USP15: variants seen among roughly 807,000 people sequenced by gnomAD.
USP15 encodes the protein ubiquitin carboxyl-terminal hydrolase 15.
In USP15, 18 loss-of-function variants were observed where a neutral mutation model predicts 127.1. The observed-to-expected ratio is 0.14, with a 90% CI of 0.10 to 0.21. The LOEUF (loss-of-function observed/expected upper bound fraction) is 0.21. USP15 is among the 10% of genes least tolerant of loss of function. The pLI is 1.00. For missense variants in USP15, 805 were observed against 1,159.9 expected, an observed-to-expected ratio of 0.69 and a Z score of 4.44; for synonymous variants, 364 against 393.7, an observed-to-expected ratio of 0.92 and a Z score of 0.89.
chr12:62,412,388 T>G lies in USP15; in HGVS notation c.*8013T>G, dbSNP rs759450289. On this transcript the variant is annotated 3_prime_UTR_variant, in exon 22 of 22. Transcript: ENST00000280377. ...TAAGACAGTAGTGAAGTTTGCTTCA[T>G]CAATTGACTCTTCCTTTTACAAGAG... 3.9e-5 allele frequency: 6 copies of G among 152,320 alleles called. No homozygotes were observed. Among genetic ancestry groups the G allele is most frequent in the Non-Finnish European group, 5.9e-5 (4 of 68,132 alleles). 9.4% of individuals were successfully genotyped at this position (152,320 alleles called of 1,614,324 possible).
At chr12:62,328,394 A>G (rs1157761640) in intron 6 of USP15, 2 of 387,320 alleles carry the variant, frequency 5.2e-6, no homozygotes, top group East Asian at 7.5e-5. Context: ...GTGTTCCAAT[A>G]AAGCTTTCTT....
Position 62,383,820 on chromosome 12 carries a change from T to A in USP15, c.1090-20T>A. On this transcript the variant is annotated intron_variant, in intron 9 of 21. Transcript: ENST00000280377. ...AACCCTGTTCCTAGAACTGATTTGA[T>A]GGTTTTGCATTTCTTACAGACACAG... 6.2e-7 allele frequency: 1 copy of A among 1,606,802 alleles called. No homozygotes were observed. The highest frequency in any genetic ancestry group is 8.5e-7 in the Non-Finnish European group (1 of 1,176,882).
At chr12:62,315,050 A>G (rs943312294) in intron 4 of USP15, 134 bp downstream of exon 4, 3 of 809,742 alleles carry the variant, frequency 3.7e-6, no homozygotes, top group Non-Finnish European at 5.2e-6. Context: ...GCTTTGATAC[A>G]ATGTCTTAGA....
intron 4 of USP15, among the ~76,000 whole-genome samples, chr12:62,320,817 A>T (rs934768922): frequency 2.6e-5 from 4 of 152,114 alleles, no homozygotes; most frequent in African/African-American, 9.6e-5. Context: ...TTCTGTATTC[A>T]TATATCATAA....
At chr12:62,388,554 C>CA (rs2067228927) in intron 11 of USP15, among the ~76,000 whole-genome samples, 1 of 152,182 alleles carries the variant, frequency 6.6e-6, no homozygotes, top group African/African-American at 2.4e-5. Context: ...ATTTGTAGCA[C>CA]ACCAGCCTCT....
At chr12:62,375,585 C>T (rs1466938966) in intron 8 of USP15, among the ~76,000 whole-genome samples, 4 of 152,108 alleles carry the variant, frequency 2.6e-5, no homozygotes, top group Non-Finnish European at 4.4e-5. Context: ...AATATTCGTT[C>T]TTCCTTGATA....
intron 6 of USP15, chr12:62,336,178 T>G (rs762295930): frequency 4.1e-6 from 4 of 985,414 alleles, no homozygotes; most frequent in Non-Finnish European, 4.8e-6. Flanking sequence ...ATTAGGTGAT[T>G]CTATGCTAAT....
chr12:62,306,384 A>G (rs148785676), intron 3 of USP15, among the ~76,000 whole-genome samples: 5 of 152,310 alleles, frequency 3.3e-5, no homozygotes, highest in African/African-American at 9.6e-5. Context: ...AAGAGTATCA[A>G]TGAAAGCTTA....
intron 6 of USP15, among the ~76,000 whole-genome samples, chr12:62,333,788 T>C (rs2065373583): frequency 6.6e-6 from 1 of 152,138 alleles, no homozygotes; most frequent in South Asian, 2.1e-4. Flanking sequence ...ACTGCAGGTA[T>C]GGAGTCATAT....
chr12:62,303,619 C>T (rs1015612139), intron 3 of USP15: 2 of 151,518 alleles, frequency 1.3e-5, no homozygotes, highest in African/African-American at 4.9e-5. Flanking sequence ...CCATCCCCCG[C>T]CACATAGAAA....
chr12:62,375,989 A>G (rs1200945319), intron 8 of USP15, among the ~76,000 whole-genome samples: 2 of 152,146 alleles, frequency 1.3e-5, no homozygotes, highest in African/African-American at 4.8e-5. Flanking sequence ...AAAGTCTACC[A>G]TATATTAAAT....
chr12:62,375,643 A>G (rs372470090), intron 8 of USP15, among the ~76,000 whole-genome samples: 5 of 152,326 alleles, frequency 3.3e-5, no homozygotes, highest in African/African-American at 4.8e-5. Flanking sequence ...ATAAGTGTTT[A>G]AGAATAAATA....
chr12:62,305,856 C>G (rs1370800334), intron 3 of USP15: 2 of 152,104 alleles, frequency 1.3e-5, no homozygotes, highest in African/African-American at 4.8e-5. Context: ...CATGGTACAT[C>G]GCTTTCGAGA....
intron 1 of USP15, among the ~76,000 whole-genome samples, chr12:62,283,435 A>G (rs991525922): frequency 2.6e-5 from 4 of 152,212 alleles, no homozygotes; most frequent in African/African-American, 9.6e-5. Context: ...AAAAAAAGAC[A>G]AAAATGTTTG....
At chr12:62,350,133 A>G (rs956239387) in intron 7 of USP15, among the ~76,000 whole-genome samples, 4 of 151,962 alleles carry the variant, frequency 2.6e-5, no homozygotes, top group African/African-American at 9.6e-5. Flanking sequence ...ATTATGTATT[A>G]CTATTATACT....
At chr12:62,354,464 T>C (rs1040209315) in intron 7 of USP15, among the ~76,000 whole-genome samples, 2 of 151,812 alleles carry the variant, frequency 1.3e-5, no homozygotes, top group Non-Finnish European at 2.9e-5. Flanking sequence ...ATCCAAAATA[T>C]TCATCATACA....
chr12:62,291,368 A>G (rs2063963504), intron 1 of USP15, among the ~76,000 whole-genome samples: 2 of 152,162 alleles, frequency 1.3e-5, no homozygotes, highest in South Asian at 4.1e-4. Flanking sequence ...TGTATTTTGT[A>G]AATCCTTCAG....
intron 8 of USP15, among the ~76,000 whole-genome samples, chr12:62,373,528 C>T (rs2066739638): frequency 6.6e-6 from 1 of 152,026 alleles, no homozygotes; most frequent in East Asian, 1.9e-4. Flanking sequence ...AGTGTTAGGA[C>T]AACATCCTTG....
intron 1 of USP15, among the ~76,000 whole-genome samples, chr12:62,281,229 T>A (rs2063638198): frequency 6.6e-6 from 1 of 152,216 alleles, no homozygotes; most frequent in Non-Finnish European, 1.5e-5. Context: ...TGTCATCTAA[T>A]CTTACCTTTC....
Sources: gnomAD v4.1 joint callset for allele counts (sites outside exome capture counted in the v4.1 genomes callset) on GRCh38, gnomAD v4.1.1 for gene constraint, MANE v1.5 for transcripts, NCBI Gene and HGNC (gene_info 2026-07-23, HGNC 2026-07-21) for gene names.